The following ZSCAN5A variants were observed in gnomAD, a reference collection of about 807,000 sequenced individuals.
The protein encoded by ZSCAN5A is zinc finger and SCAN domain-containing protein 5A.
Under a neutral mutation model 23.7 loss-of-function variants are expected in ZSCAN5A, and 12 were observed. The observed-to-expected ratio is 0.51, with a 90% confidence interval of 0.32 to 0.82. ZSCAN5A has a LOEUF of 0.82. Among genes scored for constraint, ZSCAN5A ranks in the 40% least tolerant of loss-of-function variants. The pLI, the probability that ZSCAN5A is intolerant of heterozygous loss-of-function variation, is 0.03. For missense variants in ZSCAN5A, 597 were observed against 617.9 expected (o/e 0.97, Z 0.36); for synonymous variants, 257 against 239.9 (o/e 1.07, Z -0.66).
chr19:56,231,665 ATG>A (rs747341298), intron 2 of ZSCAN5A, among the ~76,000 whole-genome samples: 2 of 152,182 alleles, frequency 1.3e-5, no homozygotes, highest in Non-Finnish European at 2.9e-5. Flanking sequence ...ACCTTAATTA[ATG>A]TGTTTATTGA....
At chr19:56,232,068 GCCT>G (rs888043817) in intron 2 of ZSCAN5A, among the ~76,000 whole-genome samples, 3 of 147,472 alleles carry the variant, frequency 2.0e-5, no homozygotes, top group African/African-American at 7.6e-5. Context: ...GCTCACTGCA[GCCT>G]CAACTTCTCA....
chr19:56,277,101 G>A (rs749361160), intron 2 of ZSCAN5A, among the ~76,000 whole-genome samples: 18 of 152,164 alleles, frequency 1.2e-4, no homozygotes, highest in Non-Finnish European at 2.1e-4. Flanking sequence ...GTGGGAATGT[G>A]AAATGATACA....
intron 2 of ZSCAN5A, among the ~76,000 whole-genome samples, chr19:56,344,700 G>A (rs1057045558): frequency 2.7e-5 from 4 of 150,462 alleles, no homozygotes; most frequent in Non-Finnish European, 4.4e-5. Context: ...TCAGGAGATC[G>A]AGACCATCCT....
At position 56,222,642 on chromosome 19, in the gene ZSCAN5A, C is replaced by T; in HGVS notation, c.688G>A (p.Glu230Lys). 6.2e-7 allele frequency: 1 copy of T among 1,614,198 alleles called. No homozygotes were observed. Among genetic ancestry groups the T allele is most frequent in the Non-Finnish European group, 8.5e-7 (1 of 1,180,044 alleles). ...TLEKDLKENR[E>K]ENPGLTSPEP... Reference sequence around the variant, plus strand: ...GGGGATGTCAGTCCTGGGTTCTCTTCCCTGTTTTCCTTCAGATCCTTCTCC... The same window carrying T: ...GGGGATGTCAGTCCTGGGTTCTCTTTCCTGTTTTCCTTCAGATCCTTCTCC... The change falls in exon 5 of 6, where the codon GAA becomes AAA. Residue 230 changes from glutamate (E) to lysine (K), a missense_variant. Transcript: ENST00000683990.
At chr19:56,259,541 T>C (rs2036968755) in intron 2 of ZSCAN5A, among the ~76,000 whole-genome samples, 1 of 152,196 alleles carries the variant, frequency 6.6e-6, no homozygotes, top group African/African-American at 2.4e-5. Flanking sequence ...ACTTGTGAGA[T>C]CTATGGAGGT....
chr19:56,229,049 C>T (rs201974046), intron 2 of ZSCAN5A, among the ~76,000 whole-genome samples: 1 of 152,008 alleles, frequency 6.6e-6, no homozygotes, highest in African/African-American at 2.4e-5. Flanking sequence ...CTCTCAAGCA[C>T]GAAAAGCCTT....
At chr19:56,344,599 C>T (rs1181228226) in intron 2 of ZSCAN5A, among the ~76,000 whole-genome samples, 2 of 151,264 alleles carry the variant, frequency 1.3e-5, no homozygotes, top group South Asian at 2.1e-4. Context: ...GGAGAAACCC[C>T]GTCTCTATTA....
chr19:56,236,873 C>T, intron 2 of ZSCAN5A, among the ~76,000 whole-genome samples: 1 of 150,812 alleles, frequency 6.6e-6, no homozygotes, highest in Middle Eastern at 3.2e-3. Flanking sequence ...CCACTCCAGC[C>T]TCTGATGGAC....
chr19:56,294,808 A>G (rs889046965), intron 2 of ZSCAN5A, among the ~76,000 whole-genome samples: 1 of 152,250 alleles, frequency 6.6e-6, no homozygotes, highest in Non-Finnish European at 1.5e-5. Context: ...AGCCACAAAG[A>G]AAGTGCTGAC....
At chr19:56,238,717 TGAA>T (rs2035182639) in intron 2 of ZSCAN5A, among the ~76,000 whole-genome samples, 2 of 151,768 alleles carry the variant, frequency 1.3e-5, no homozygotes, top group South Asian at 4.1e-4. Context: ...TGAGAGGAAA[TGAA>T]GAGGGCACAC....
At chr19:56,256,084 AAAAG>A (rs528621046) in intron 2 of ZSCAN5A, among the ~76,000 whole-genome samples, 97 of 152,362 alleles carry the variant, frequency 6.4e-4, no homozygotes, top group Admixed American at 2.4e-3. Context: ...AAACACAATA[AAAAG>A]AAAGAACAGT....
In ZSCAN5A at chr19:56,224,874, G is replaced by C; in HGVS notation, c.173C>G (p.Pro58Arg). 1 of 1,614,136 alleles carries C rather than the reference G, an allele frequency of 6.2e-7. No individual in the cohort carries two copies. Among genetic ancestry groups the C allele is most frequent in the Non-Finnish European group, 8.5e-7 (1 of 1,180,022 alleles). ...RMFSCPKESD[P>R]IQALRKLTEL... is the part of the protein sequence containing the mutation. ...AGTGAGTTTCCTCAGAGCCTGGATG[G>C]GGTCCGACTCCTTCGGGCAGCTGAA... The change falls in exon 3 of 6, where the codon CCC becomes CGC. Residue 58 changes from proline (P) to arginine (R), a missense_variant. Pro to Arg is a moderately radical substitution (Grantham distance 103). Transcript: ENST00000683990.
At chr19:56,285,213 T>G (rs1038038115) in intron 2 of ZSCAN5A, among the ~76,000 whole-genome samples, 1 of 152,258 alleles carries the variant, frequency 6.6e-6, no homozygotes, top group Non-Finnish European at 1.5e-5. Flanking sequence ...AGCTAGAATT[T>G]TGCCTAATAA....
chr19:56,276,488 T>C (rs2038264975), intron 2 of ZSCAN5A, among the ~76,000 whole-genome samples: 1 of 149,854 alleles, frequency 6.7e-6, no homozygotes, highest in South Asian at 2.1e-4. Context: ...AAAAAAATTA[T>C]TAAGGATCTA....
intron 2 of ZSCAN5A, among the ~76,000 whole-genome samples, chr19:56,279,280 T>A (rs1309760970): frequency 6.6e-6 from 1 of 151,810 alleles, no homozygotes; most frequent in Non-Finnish European, 1.5e-5. Context: ...GAAAAAGATC[T>A]CTTTTTTTTC....
chr19:56,251,204 C>T (rs2036314531), intron 2 of ZSCAN5A, among the ~76,000 whole-genome samples: 1 of 150,926 alleles, frequency 6.6e-6, no homozygotes, highest in South Asian at 2.1e-4. Context: ...GTCTCTGTTA[C>T]CCTCCGTACT....
intron 2 of ZSCAN5A, among the ~76,000 whole-genome samples, chr19:56,263,960 C>T (rs2037296498): frequency 1.4e-5 from 2 of 144,692 alleles, no homozygotes; most frequent in African/African-American, 5.4e-5. Context: ...GAAAATGAAG[C>T]TCCAAGAAAA....
At chr19:56,234,880 C>T (rs1224795395) in intron 2 of ZSCAN5A, among the ~76,000 whole-genome samples, 1 of 152,204 alleles carries the variant, frequency 6.6e-6, no homozygotes, top group African/African-American at 2.4e-5. Flanking sequence ...TTCTACAACT[C>T]GGTGTCTGAG....
chr19:56,311,691 C>T (rs1026302398), intron 2 of ZSCAN5A, among the ~76,000 whole-genome samples: 3 of 152,100 alleles, frequency 2.0e-5, no homozygotes, highest in African/African-American at 2.4e-5. Context: ...TTAAGTTCCA[C>T]GATACATGTG....
Sources: allele counts gnomAD v4.1 joint callset (sites outside exome capture counted in the v4.1 genomes callset), GRCh38; gene constraint gnomAD v4.1.1; transcripts MANE v1.5; gene names NCBI Gene and HGNC (gene_info 2026-07-23, HGNC 2026-07-21).